SANBR: variants seen among roughly 807,000 people sequenced by gnomAD.
The protein encoded by SANBR is SANT and BTB domain regulator of CSR.
Under a neutral mutation model 101.8 loss-of-function variants are expected in SANBR, and 77 were observed. That is an observed-to-expected ratio of 0.76 (90% CI 0.63 to 0.91). The LOEUF (loss-of-function observed/expected upper bound fraction) is 0.91, where lower values mean the gene tolerates loss of function less well. Ranked by LOEUF, SANBR falls within the 40% of genes least tolerant of loss-of-function variation. The pLI is 0.00. For missense variants in SANBR, 875 were observed against 853.0 expected (o/e 1.03, Z -0.32); for synonymous variants, 279 against 274.7 (o/e 1.02, Z -0.15).
At chr2:61,091,401 G>A (rs113518062) in intron 10 of SANBR, among the ~76,000 whole-genome samples, 111 of 152,026 alleles carry the variant, frequency 7.3e-4, no homozygotes, top group African/African-American at 2.4e-3. Context: ...GGAAAAGCCT[G>A]GCCAATGTGG....
downstream of SANBR, among the ~76,000 whole-genome samples, chr2:61,129,046 A>G (rs1292174681): frequency 1.3e-5 from 2 of 152,208 alleles, no homozygotes; most frequent in African/African-American, 4.8e-5. Context: ...ATTCAGCAAA[A>G]ATTGTCTTTC....
chr2:61,082,080 C>T (rs1682164480), intron 7 of SANBR, among the ~76,000 whole-genome samples: 1 of 151,818 alleles, frequency 6.6e-6, no homozygotes, highest in Non-Finnish European at 1.5e-5. Flanking sequence ...CTATGTTACC[C>T]AGGCTGGTCT....
intron 6 of SANBR, among the ~76,000 whole-genome samples, chr2:61,080,196 CAAAA>C (rs57117097): frequency 8.8e-6 from 1 of 113,242 alleles, no homozygotes; most frequent in Non-Finnish European, 1.8e-5. Flanking sequence ...AACTTTGTCT[CAAAA>C]AAAAAAAAAA....
chr2:61,100,029 T>C (rs1243859882), intron 12 of SANBR, among the ~76,000 whole-genome samples: 1 of 152,198 alleles, frequency 6.6e-6, no homozygotes, highest in Non-Finnish European at 1.5e-5. Context: ...ATAAATGACA[T>C]TTCTTTTGGG....
chr2:61,090,037 C>G lies in SANBR; in HGVS notation c.1088+1569C>G, dbSNP rs1682659141. Among the ~76,000 whole-genome samples, 3 of 152,170 alleles carry G rather than the reference C, an allele frequency of 2.0e-5. No homozygotes were observed. The South Asian group carries it at 6.2e-4, about 32-fold the overall frequency. On this transcript the variant is annotated intron_variant, in intron 10 of 21. Coordinates refer to ENST00000402291, the MANE Select transcript of SANBR (RefSeq NM_001129993.3). ...TAAAAATTAGCTGAGCATGGCAATC[C>G]TAGCTAGGAGTCTGAGGCAGGAGGA... is the stretch of plus-strand genomic sequence containing the variant.
intron 10 of SANBR, chr2:61,089,157 A>G: frequency 1.0e-6 from 1 of 985,038 alleles, no homozygotes. Flanking sequence ...TGGTGAGGAA[A>G]ATTGTCTTTA....
At chr2:61,071,906 G>A in intron 4 of SANBR, 114 bp downstream of exon 4, 1 of 647,202 alleles carries the variant, frequency 1.5e-6, no homozygotes, top group South Asian at 2.1e-5. Context: ...CATTAATAGA[G>A]AAATGTATTC....
chr2:61,131,873 G>T (rs1432873619), intron 20 of SANBR, among the ~76,000 whole-genome samples: 1 of 152,206 alleles, frequency 6.6e-6, no homozygotes, highest in Non-Finnish European at 1.5e-5. Flanking sequence ...TGGGAGTCCA[G>T]AAATAAACCC....
chr2:61,127,278 G>A (rs1051911036), downstream of SANBR, among the ~76,000 whole-genome samples: 1 of 152,156 alleles, frequency 6.6e-6, no homozygotes, highest in Non-Finnish European at 1.5e-5. Flanking sequence ...TCCCCAGCCC[G>A]GCATCATTTT....
intron 8 of SANBR, 40 bp downstream of exon 8, chr2:61,083,354 TAAAAG>T (rs1682243954): frequency 8.7e-7 from 1 of 1,146,418 alleles, no homozygotes; most frequent in Non-Finnish European, 1.3e-6. Flanking sequence ...ATACTCCTGT[TAAAAG>T]AAATATATTT....
intron 16 of SANBR, among the ~76,000 whole-genome samples, chr2:61,110,603 C>T (rs997087735): frequency 2.6e-5 from 4 of 152,140 alleles, no homozygotes; most frequent in African/African-American, 7.2e-5. Flanking sequence ...TGCTTGAACC[C>T]GCAAGGCGGA....
Position 61,093,589 on chromosome 2 carries a change from G to C in SANBR, c.1212+1002G>C, listed in dbSNP as rs573194811. ...CAGTCTGGGAAAGGAGGGAAACTCT[G>C]TCTCAAAAGAGAAAAAAAAAAAAGT... On this transcript the variant is annotated intron_variant, in intron 11 of 21. Coordinates refer to ENST00000402291, the MANE Select transcript of SANBR (RefSeq NM_001129993.3). Among the ~76,000 whole-genome samples the C allele has an allele frequency of 2.3e-4, 35 of 151,292 alleles. No homozygotes were observed. The Middle Eastern group carries it at 0.014, about 59-fold the overall frequency.
chr2:61,131,206 T>G (rs1411806551), intron 20 of SANBR, among the ~76,000 whole-genome samples: 5 of 151,946 alleles, frequency 3.3e-5, no homozygotes, highest in Non-Finnish European at 5.9e-5. Flanking sequence ...GCCAGAGCAG[T>G]TGGGCCCAAA....
chr2:61,117,184 T>C (rs1309411087), intron 17 of SANBR, 173 bp from the exon 18 acceptor site: 1 of 626,270 alleles, frequency 1.6e-6, no homozygotes, highest in Non-Finnish European at 2.8e-6. Context: ...TATGAAGATA[T>C]TAATAGTGCC....
At chr2:61,092,357 C>G in intron 10 of SANBR, 107 bp from the exon 11 acceptor site, 1 of 823,876 alleles carries the variant, frequency 1.2e-6, no homozygotes, top group Non-Finnish European at 1.7e-6. Context: ...GCACTCCAGC[C>G]TGGGCAACAA....
intron 6 of SANBR, among the ~76,000 whole-genome samples, chr2:61,078,505 T>C (rs1429295167): frequency 1.3e-5 from 2 of 151,964 alleles, no homozygotes; most frequent in Non-Finnish European, 2.9e-5. Flanking sequence ...CACTGCAACC[T>C]CTGCCTCCCG....
intron 16 of SANBR, among the ~76,000 whole-genome samples, chr2:61,114,798 G>A (rs1012523476): frequency 2.6e-5 from 4 of 152,150 alleles, no homozygotes; most frequent in Admixed American, 1.3e-4. Context: ...TGGGACCACA[G>A]GTGTGCACCA....
chr2:61,133,998 T>C (rs1353334178), intron 20 of SANBR: 4 of 1,302,808 alleles, frequency 3.1e-6, no homozygotes, highest in Non-Finnish European at 4.2e-6. Flanking sequence ...TCAAATTGCA[T>C]TTGGGTAATA....
intron 16 of SANBR, 133 bp downstream of exon 16, chr2:61,109,429 G>A: frequency 2.2e-6 from 1 of 456,090 alleles, no homozygotes; most frequent in South Asian, 6.6e-5. Context: ...ATTGAAAGGA[G>A]ACACCATCAA....
Sources: allele counts gnomAD v4.1 joint callset (sites outside exome capture counted in the v4.1 genomes callset), GRCh38; gene constraint gnomAD v4.1.1; transcripts MANE v1.5; gene names NCBI Gene and HGNC (gene_info 2026-07-23, HGNC 2026-07-21).